Variants in FOXC2 observed in about 807,000 individuals in gnomAD.
FOXC2 encodes the protein forkhead box protein C2.
In FOXC2, 7 loss-of-function variants were observed where a neutral mutation model predicts 7.2. The observed-to-expected ratio is 0.97, with a 90% confidence interval of 0.55 to 1.81. FOXC2 has a LOEUF of 1.81. Among genes scored for constraint, FOXC2 ranks in the 40% most tolerant of loss-of-function variants. The pLI, the probability that FOXC2 is intolerant of heterozygous loss-of-function variation, is 0.00. For missense variants in FOXC2, 846 were observed against 741.2 expected (o/e 1.14, Z -1.64); for synonymous variants, 436 against 350.4 (o/e 1.24, Z -2.73).
Position 86,568,247 on chromosome 16 carries a change from C to G in FOXC2, c.912C>G (p.Pro304=). Reference sequence around the variant, plus strand: ...TGGTGGTGCCGCCGCTGGCGCTGCCCTACGCCGCCGCGCCGCCCGCCGCCT... The same window carrying G: ...TGGTGGTGCCGCCGCTGGCGCTGCCGTACGCCGCCGCGCCGCCCGCCGCCT... ...AGLVVPPLAL[P]YAAAPPAAYG... Residue 304 remains proline, a synonymous_variant, in exon 1 of 1, where the codon CCC becomes CCG. Coordinates refer to ENST00000649859, the MANE Select transcript of FOXC2 (RefSeq NM_005251.3). The surrounding 1 kb of genome is among the most constrained non-coding windows in gnomAD (Gnocchi z 5.2). 7.9e-7 allele frequency: 1 copy of G among 1,266,686 alleles called. No individual in the cohort carries two copies. Among genetic ancestry groups the G allele is most frequent in the Non-Finnish European group, 9.9e-7 (1 of 1,009,212 alleles). The allele number at this position is 1,266,686 out of a possible 1,614,324, so 78.5% of individuals were successfully genotyped here. A position where few individuals can be genotyped will look rare whatever the true frequency, so the allele number is the denominator to read the frequency against.
In FOXC2 at chr16:86,567,188, C is replaced by A; in HGVS notation, c.-148C>A. ...CGCCGCCGCCCGCGCACCCTCGCCC[C>A]GGAGGCTGCCAGGAGCCCGGGGCCG... On this transcript the variant is annotated 5_prime_UTR_variant, in exon 1 of 1. Transcript: ENST00000649859. 2.3e-6 allele frequency: 2 copies of A among 875,676 alleles called. No individual in the cohort carries two copies. Among genetic ancestry groups the A allele is most frequent in the Non-Finnish European group, 3.4e-6 (2 of 590,218 alleles). The allele number at this position is 875,676 out of a possible 1,614,324, so 54.2% of individuals were successfully genotyped here. A position where few individuals can be genotyped will look rare whatever the true frequency, so the allele number is the denominator to read the frequency against.
rs1974207059 is a variant in FOXC2 at position 86,567,215 on chromosome 16, C to T, written c.-121C>T. 4.2e-6 allele frequency: 5 copies of T among 1,185,278 alleles called. No individual in the cohort carries two copies. Among genetic ancestry groups the T allele is most frequent in the South Asian group, 1.4e-5 (1 of 70,386 alleles). 73.4% of individuals were successfully genotyped at this position (1,185,278 alleles called of 1,614,324 possible). A position where few individuals can be genotyped will look rare whatever the true frequency, so the allele number is the denominator to read the frequency against. The stretch of plus-strand genomic sequence containing the variant: ...GAGGCTGCCAGGAGCCCGGGGCCGC[C>T]CCTCCCGCTCCCCTCCTCTCCCCCT... On this transcript the variant is annotated 5_prime_UTR_variant, in exon 1 of 1. Coordinates refer to ENST00000649859, the MANE Select transcript of FOXC2 (RefSeq NM_005251.3).
At position 86,568,665 on chromosome 16, in the gene FOXC2, C is replaced by A. The variant is rs1272296263; in HGVS notation, c.1330C>A (p.Gln444Lys). 2 of 1,612,856 alleles carry A rather than the reference C, an allele frequency of 1.2e-6. No homozygotes were observed. The highest frequency in any genetic ancestry group is 1.7e-6 in the Non-Finnish European group (2 of 1,180,006). Residue 444 changes from glutamine (Q) to lysine (K), a missense_variant, in exon 1 of 1, where the codon CAG becomes AAG. Gln to Lys is a moderately conservative substitution (Grantham distance 53). Coordinates refer to ENST00000649859, the MANE Select transcript of FOXC2 (RefSeq NM_005251.3). The surrounding 1 kb of genome is among the most constrained non-coding windows in gnomAD (Gnocchi z 5.2). ...HLPGHTFAAQ[Q>K]QTFPNVREMF... Reference sequence around the variant, plus strand: ...CCCCGGCCACACGTTCGCGGCCCAGCAGCAAACTTTCCCCAACGTGCGGGA... The same window carrying A: ...CCCCGGCCACACGTTCGCGGCCCAGAAGCAAACTTTCCCCAACGTGCGGGA...
chr16:86,568,131 G>C lies in FOXC2; in HGVS notation c.796G>C (p.Gly266Arg). The change falls in exon 1 of 1, where the codon GGG becomes CGG. Residue 266 changes from glycine (G) to arginine (R), a missense_variant. Coordinates refer to ENST00000649859, the MANE Select transcript of FOXC2 (RefSeq NM_005251.3). The surrounding 1 kb of genome is among the most constrained non-coding windows in gnomAD (Gnocchi z 5.2). The part of the protein sequence containing the change: ...LPEHHAAAPN[G>R]LPGFSVENIM... ...GGAGCACCACGCCGCGGCGCCCAAC[G>C]GGCTGCCTGGCTTCAGCGTGGAGAA... 1 of 1,352,132 alleles carries C rather than the reference G, an allele frequency of 7.4e-7. No homozygotes were observed. Among genetic ancestry groups the C allele is most frequent in the Non-Finnish European group, 9.4e-7 (1 of 1,060,556 alleles). The allele number at this position is 1,352,132 out of a possible 1,614,324, so 83.8% of individuals were successfully genotyped here.
rs1597403373 is a variant in FOXC2, at chr16:86,568,902, C to G, written c.*61C>G. 14 of 1,600,470 alleles carry G rather than the reference C, an allele frequency of 8.7e-6. No individual in the cohort carries two copies. Among genetic ancestry groups the G allele is most frequent in the Non-Finnish European group, 8.5e-7 (1 of 1,171,880 alleles). On this transcript the variant is annotated 3_prime_UTR_variant, in exon 1 of 1. Transcript: ENST00000649859. This position sits in a 1 kb window ranked among gnomAD's most constrained non-coding sequence, Gnocchi z 5.2. ...GCTTCGCTTCCCAGCCCCGACCCAA[C>G]CAGACAATTAAGGGGCTGCAGAGAC...
rs1442073647 is a variant in FOXC2 at position 86,569,059 on chromosome 16, G to A, written c.*218G>A. ...CGCCGCCCCGTTTCTGGGATCCCAG[G>A]AAACCCCTCCAAAGGGACGCAGCCC... On this transcript the variant is annotated 3_prime_UTR_variant, in exon 1 of 1. Coordinates refer to ENST00000649859, the MANE Select transcript of FOXC2 (RefSeq NM_005251.3). 1 of 637,528 alleles carries A rather than the reference G, an allele frequency of 1.6e-6. No individual in the cohort carries two copies. Among genetic ancestry groups the A allele is most frequent in the African/African-American group, 1.8e-5 (1 of 54,296 alleles). 39.5% of individuals were successfully genotyped at this position (637,528 alleles called of 1,614,324 possible).
In FOXC2 at chr16:86,568,340, G is replaced by T; in HGVS notation, c.1005G>T (p.Ala335=). ...GGGGCTACCAGTGCAGCATGCGAGCGATGAGCCTGTACACCGGGGCCGAGC... is the reference window on the plus strand; with the variant it reads ...GGGGCTACCAGTGCAGCATGCGAGCTATGAGCCTGTACACCGGGGCCGAGC... ...AAGGYQCSMR[A]MSLYTGAERP... Residue 335 remains alanine (A), a synonymous_variant, in exon 1 of 1, where the codon GCG becomes GCT. Transcript: ENST00000649859. This position sits in a 1 kb window ranked among gnomAD's most constrained non-coding sequence, Gnocchi z 5.2. The T allele has an allele frequency of 7.5e-7, 1 of 1,335,582 alleles. No homozygotes were observed. The highest frequency in any genetic ancestry group is 9.6e-7 in the Non-Finnish European group (1 of 1,039,642). 82.7% of individuals were successfully genotyped at this position (1,335,582 alleles called of 1,614,324 possible). A position where few individuals can be genotyped will look rare whatever the true frequency, so the allele number is the denominator to read the frequency against.
In FOXC2 at chr16:86,567,317, G is replaced by C. The variant is rs762362342; in HGVS notation, c.-19G>C. The C allele has an allele frequency of 6.2e-7, 1 of 1,612,302 alleles. No homozygotes were observed. The highest frequency in any genetic ancestry group is 2.2e-5 in the East Asian group (1 of 44,850). ...GCAGTCCGTGCGCGAGGGCGCCGGC[G>C]AGCCGTCTCGGAAGCAGCATGCAGG... On this transcript the variant is annotated 5_prime_UTR_variant, in exon 1 of 1. Coordinates refer to ENST00000649859, the MANE Select transcript of FOXC2 (RefSeq NM_005251.3).
rs375372556 is a variant in FOXC2, at chr16:86,568,621, G to T, written c.1286G>T (p.Ser429Ile). 6.2e-7 allele frequency: 1 copy of T among 1,612,200 alleles called. No individual in the cohort carries two copies. Among genetic ancestry groups the T allele is most frequent in the Non-Finnish European group, 8.5e-7 (1 of 1,179,836 alleles). The change falls in exon 1 of 1, where the codon AGC (serine) becomes ATC (isoleucine). Residue 429 changes from serine to isoleucine, a missense_variant. Ser to Ile is a moderately radical substitution (Grantham distance 142). This residue lies in a region of FOXC2 where 640 missense variants were observed against 503.2 expected (regional missense o/e 1.27). Transcript: ENST00000649859. This position sits in a 1 kb window ranked among gnomAD's most constrained non-coding sequence, Gnocchi z 5.2. ...AQAASWYLNHSGDLNHLPGHT... is the reference protein window; with the variant it reads ...AQAASWYLNHIGDLNHLPGHT... Reference sequence around the variant, plus strand: ...GCGGCCTCCTGGTATCTCAACCACAGCGGGGACCTGAACCACCTCCCCGGC... The same window carrying T: ...GCGGCCTCCTGGTATCTCAACCACATCGGGGACCTGAACCACCTCCCCGGC...
chr16:86,567,817 TCCTGCGGCG>T lies in FOXC2; in HGVS notation c.485_493del (p.Leu162_Arg164del). ...TACAACATGTTCGAGAACGGCAGCT[TCCTGCGGCG>T]CCGGCGGCGCTTCAAAAAGAAGGAC... On this transcript the variant is annotated inframe_deletion, in exon 1 of 1. Transcript: ENST00000649859. 1 of 1,613,654 alleles carries T rather than the reference TCCTGCGGCG, an allele frequency of 6.2e-7. No individual in the cohort carries two copies. The highest frequency in any genetic ancestry group is 8.5e-7 in the Non-Finnish European group (1 of 1,179,968).
At position 86,568,051 on chromosome 16, in the gene FOXC2, GCA is replaced by G; in HGVS notation, c.717_718del (p.Ser240ProfsTer222). ...CTGAGCCCCGAGAGCGCGCTGCAGG[GCA>G]GCCCGCGCAGCGCGGCCTCCACGCC... is the stretch of plus-strand genomic sequence containing the variant. On this transcript the variant is annotated frameshift_variant, in exon 1 of 1. Coordinates refer to ENST00000649859, the MANE Select transcript of FOXC2 (RefSeq NM_005251.3). LOFTEE classifies it low-confidence loss of function (END_TRUNC). This position sits in a 1 kb window ranked among gnomAD's most constrained non-coding sequence, Gnocchi z 5.2. 8.3e-6 allele frequency: 12 copies of G among 1,452,462 alleles called. No homozygotes were observed. The highest frequency in any genetic ancestry group is 1.1e-5 in the Non-Finnish European group (12 of 1,113,884). The allele number at this position is 1,452,462 out of a possible 1,614,324, so 90.0% of individuals were successfully genotyped here. A position where few individuals can be genotyped will look rare whatever the true frequency, so the allele number is the denominator to read the frequency against.
rs752256878 is a variant in FOXC2, at chr16:86,568,777, A to G, written c.1442A>G (p.Tyr481Cys). Reference protein sequence around the residue: ...VSGNASCQLPYRSTPPLYRHA... With the variant: ...VSGNASCQLPCRSTPPLYRHA... ...GGCAATGCCAGCTGCCAGCTGCCCTACAGATCCACGCCGCCTCTCTATCGC... is the reference window on the plus strand; with the variant it reads ...GGCAATGCCAGCTGCCAGCTGCCCTGCAGATCCACGCCGCCTCTCTATCGC... The change falls in exon 1 of 1, where the codon TAC (tyrosine) becomes TGC (cysteine). Residue 481 changes from tyrosine (Y) to cysteine (C), a missense_variant. By Grantham distance (194) the Tyr-to-Cys change is radical. This residue lies in a region of FOXC2 where 640 missense variants were observed against 503.2 expected (regional missense o/e 1.27). Transcript: ENST00000649859. This position sits in a 1 kb window ranked among gnomAD's most constrained non-coding sequence, Gnocchi z 5.2. 4.3e-6 allele frequency: 7 copies of G among 1,612,794 alleles called. No individual in the cohort carries two copies. The highest frequency in any genetic ancestry group is 4.5e-5 in the East Asian group (2 of 44,870).
chr16:86,569,660 G>A lies in FOXC2; in HGVS notation c.*819G>A, dbSNP rs80284611. Reference sequence around the variant, plus strand: ...GCTTAAAAACTCTAACTTCATCTGTGTTTGTCTTACGTGGTCTTAATCGTT... The same window carrying A: ...GCTTAAAAACTCTAACTTCATCTGTATTTGTCTTACGTGGTCTTAATCGTT... On this transcript the variant is annotated 3_prime_UTR_variant, in exon 1 of 1. Coordinates refer to ENST00000649859, the MANE Select transcript of FOXC2 (RefSeq NM_005251.3). The A allele has an allele frequency of 0.026, 4,236 of 164,882 alleles. 93 individuals carry two copies. Among genetic ancestry groups the A allele is most frequent in the Middle Eastern group, 0.045 (13 of 290 alleles). The allele number at this position is 164,882 out of a possible 1,614,324, so 10.2% of individuals were successfully genotyped here. A position where few individuals can be genotyped will look rare whatever the true frequency, so the allele number is the denominator to read the frequency against.
Position 86,567,287 on chromosome 16 carries a change from C to T in FOXC2, c.-49C>T. ...GCTCTCAGGGCCCCCCTCGCTCCCC[C>T]GGCCGCAGTCCGTGCGCGAGGGCGC... On this transcript the variant is annotated 5_prime_UTR_variant, in exon 1 of 1. Coordinates refer to ENST00000649859, the MANE Select transcript of FOXC2 (RefSeq NM_005251.3). 6.2e-7 allele frequency: 1 copy of T among 1,608,336 alleles called. No homozygotes were observed. Among genetic ancestry groups the T allele is most frequent in the Non-Finnish European group, 8.5e-7 (1 of 1,177,186 alleles).
Position 86,568,532 on chromosome 16 carries a change from G to A in FOXC2, c.1197G>A (p.Ala399=), listed in dbSNP as rs765183091. 1.6e-6 allele frequency: 2 copies of A among 1,282,444 alleles called. No homozygotes were observed. The highest frequency in any genetic ancestry group is 5.2e-5 in the South Asian group (2 of 38,216). 79.4% of individuals were successfully genotyped at this position (1,282,444 alleles called of 1,614,324 possible). ...HQHHGHHHPQ[A]PPPPPAPQPQ... ...ACCACGGCCACCACCACCCGCAGGC[G>A]CCGCCGCCCCCGCCGGCTCCCCAGC... Residue 399 remains alanine, a synonymous_variant, in exon 1 of 1, where the codon GCG becomes GCA. Transcript: ENST00000649859. The surrounding 1 kb of genome is among the most constrained non-coding windows in gnomAD (Gnocchi z 5.2).
rs753906676 is a variant in FOXC2 at position 86,567,298 on chromosome 16, C to T, written c.-38C>T. ...CCCCCTCGCTCCCCCGGCCGCAGTC[C>T]GTGCGCGAGGGCGCCGGCGAGCCGT... On this transcript the variant is annotated 5_prime_UTR_variant, in exon 1 of 1. Coordinates refer to ENST00000649859, the MANE Select transcript of FOXC2 (RefSeq NM_005251.3). The T allele has an allele frequency of 1.9e-6, 3 of 1,611,188 alleles. No individual in the cohort carries two copies. In the Admixed American group the frequency reaches 5.0e-5, roughly 27 times the overall value.
chr16:86,567,005 T>C lies in FOXC2; in HGVS notation c.-331T>C, dbSNP rs1442532481. Among the ~76,000 whole-genome samples, 1 of 150,578 alleles carries C rather than the reference T, an allele frequency of 6.6e-6. No homozygotes were observed. Among genetic ancestry groups the C allele is most frequent in the East Asian group, 2.0e-4 (1 of 5,056 alleles). ...CCACCTGGGTCCCCAGGCCGCGGCG[T>C]CTCCGCTGGGTCCGCGGCCGCCCGC... is the stretch of plus-strand genomic sequence containing the variant. On this transcript the variant is annotated 5_prime_UTR_variant, in exon 1 of 1. Coordinates refer to ENST00000649859, the MANE Select transcript of FOXC2 (RefSeq NM_005251.3).
rs368769715 is a variant in FOXC2, at chr16:86,568,814, C to T, written c.1479C>T (p.Pro493=). The T allele has an allele frequency of 6.8e-6, 11 of 1,612,878 alleles. No individual in the cohort carries two copies. Among genetic ancestry groups the T allele is most frequent in the East Asian group, 2.2e-5 (1 of 44,888 alleles). ...STPPLYRHAA[P]YSYDCTKY ...CGCCTCTCTATCGCCACGCAGCCCC[C>T]TACTCCTACGACTGCACGAAATACT... The change falls in exon 1 of 1, where the codon CCC becomes CCT. Residue 493 remains proline, a synonymous_variant. Coordinates refer to ENST00000649859, the MANE Select transcript of FOXC2 (RefSeq NM_005251.3). The surrounding 1 kb of genome is among the most constrained non-coding windows in gnomAD (Gnocchi z 5.2).
At position 86,568,474 on chromosome 16, in the gene FOXC2, G is replaced by C; in HGVS notation, c.1139G>C (p.Gly380Ala). 7.6e-7 allele frequency: 1 copy of C among 1,314,320 alleles called. No homozygotes were observed. The highest frequency in any genetic ancestry group is 9.7e-7 in the Non-Finnish European group (1 of 1,027,660). 81.4% of individuals were successfully genotyped at this position (1,314,320 alleles called of 1,614,324 possible). ...SALNLAAGQE[G>A]ALAATGHHHQ... ...CTCAACCTCGCCGCCGGCCAGGAGG[G>C]CGCGCTCGCCGCCACGGGCCACCAC... Residue 380 changes from glycine to alanine, a missense_variant, in exon 1 of 1, where the codon GGC (glycine) becomes GCC (alanine). Transcript: ENST00000649859. This position sits in a 1 kb window ranked among gnomAD's most constrained non-coding sequence, Gnocchi z 5.2.
Sources: gnomAD v4.1 joint callset for allele counts (sites outside exome capture counted in the v4.1 genomes callset) on GRCh38, gnomAD v4.1.1 for gene constraint, gnomAD v4.1.1 regional missense constraint, Gnocchi (gnomAD v3.1) non-coding constraint, MANE v1.5 for transcripts, NCBI Gene and HGNC (gene_info 2026-07-23, HGNC 2026-07-21) for gene names.